JPH3: variants seen among roughly 807,000 people sequenced by gnomAD.
JPH3 encodes junctophilin-3.
JPH3 carries 11 observed loss-of-function variants against 59.6 expected under a neutral mutation model. That is an observed-to-expected ratio of 0.18 (90% CI 0.12 to 0.31). The LOEUF (loss-of-function observed/expected upper bound fraction) is 0.31. Ranked by LOEUF, JPH3 falls within the 10% of genes least tolerant of loss-of-function variation. The pLI is 1.00. For synonymous variants in JPH3, 673 were observed against 483.6 expected (o/e 1.39, Z -5.14); for missense variants, 1,202 against 1,105.7 (o/e 1.09, Z -1.24).
At chr16:87,659,203 C>T (rs1011853089) in intron 2 of JPH3, among the ~76,000 whole-genome samples, 3 of 151,604 alleles carry the variant, frequency 2.0e-5, no homozygotes, top group Non-Finnish European at 4.4e-5. Context: ...GCAAGATCCC[C>T]TCTCTACTGA....
intron 4 of JPH3, among the ~76,000 whole-genome samples, chr16:87,690,804 C>T (rs932861437): frequency 2.6e-5 from 4 of 152,240 alleles, no homozygotes; most frequent in African/African-American, 9.6e-5. Context: ...AGCATGGGAT[C>T]CCTGCGCTCC....
At chr16:87,609,169 G>C (rs367547081) in intron 1 of JPH3, among the ~76,000 whole-genome samples, 11 of 152,262 alleles carry the variant, frequency 7.2e-5, no homozygotes, top group African/African-American at 2.7e-4. Context: ...AGAAGTGAGT[G>C]TCTTCTGAGG....
chr16:87,637,921 A>C (rs2031811781), intron 1 of JPH3, among the ~76,000 whole-genome samples: 1 of 152,092 alleles, frequency 6.6e-6, no homozygotes, highest in African/African-American at 2.4e-5. Flanking sequence ...CTTTAAAAAA[A>C]AAATTTTTTT....
rs2033955814 is a variant in JPH3 at position 87,697,781 on chromosome 16, A to C, written c.*1121A>C. Reference sequence around the variant, plus strand: ...GCATATCCAGCCCCCTAAAATGTACAATGTAACTTGTTCAGTCCAACAAAA... The same window carrying C: ...GCATATCCAGCCCCCTAAAATGTACCATGTAACTTGTTCAGTCCAACAAAA... On this transcript the variant is annotated 3_prime_UTR_variant, in exon 5 of 5. Coordinates refer to ENST00000284262, the MANE Select transcript of JPH3 (RefSeq NM_020655.4). The C allele has an allele frequency of 6.6e-6, 1 of 152,314 alleles. No homozygotes were observed. Among genetic ancestry groups the C allele is most frequent in the South Asian group, 2.1e-4 (1 of 4,824 alleles). 9.4% of individuals were successfully genotyped at this position (152,314 alleles called of 1,614,324 possible).
At position 87,652,720 on chromosome 16, in the gene JPH3, G is replaced by A. The variant is rs896729877; in HGVS notation, c.1160+7685G>A. Among the ~76,000 whole-genome samples the A allele has an allele frequency of 6.6e-5, 10 of 152,364 alleles. No homozygotes were observed. In the South Asian group the frequency reaches 1.4e-3, roughly 22 times the overall value. The stretch of plus-strand genomic sequence containing the variant: ...CACCTAGATGATGGTGCCTACTCTC[G>A]TGAGTTGAGGCCCTTGGATCTCTGG... On this transcript the variant is annotated intron_variant, in intron 2 of 4. Transcript: ENST00000284262.
chr16:87,629,227 C>T (rs979506239), intron 1 of JPH3, among the ~76,000 whole-genome samples: 4 of 152,194 alleles, frequency 2.6e-5, no homozygotes, highest in Non-Finnish European at 5.9e-5. Context: ...GTCCTTCAGA[C>T]GCGGCAGCTG....
intron 1 of JPH3, among the ~76,000 whole-genome samples, chr16:87,623,321 C>G (rs2031257867): frequency 6.6e-6 from 1 of 152,162 alleles, no homozygotes; most frequent in African/African-American, 2.4e-5. Flanking sequence ...GTCCTTGGCT[C>G]ATTCCTCCCT....
chr16:87,616,240 T>TGTGTGTA (rs2030964277), intron 1 of JPH3, among the ~76,000 whole-genome samples: 1 of 100,042 alleles, frequency 1.0e-5, no homozygotes, highest in African/African-American at 3.8e-5. Context: ...GTGTGTGTAT[T>TGTGTGTA]TTTTTTTTTT....
At chr16:87,612,342 C>G (rs1279634458) in intron 1 of JPH3, among the ~76,000 whole-genome samples, 2 of 152,182 alleles carry the variant, frequency 1.3e-5, no homozygotes, top group Admixed American at 1.3e-4. Flanking sequence ...CCAGACTGGT[C>G]TCAAACTCCT....
At chr16:87,644,030 C>T (rs557314049) in intron 1 of JPH3, among the ~76,000 whole-genome samples, 1 of 152,234 alleles carries the variant, frequency 6.6e-6, no homozygotes, top group Non-Finnish European at 1.5e-5. Flanking sequence ...CCCAGCTGCG[C>T]AGGAGGCTGA....
At chr16:87,660,054 C>G (rs1335640475) in intron 2 of JPH3, among the ~76,000 whole-genome samples, 1 of 151,772 alleles carries the variant, frequency 6.6e-6, no homozygotes, top group Non-Finnish European at 1.5e-5. Context: ...AGCCCCAGCC[C>G]TGCCACCTGG....
chr16:87,685,234 C>T (rs1173023103), intron 3 of JPH3, among the ~76,000 whole-genome samples: 2 of 152,220 alleles, frequency 1.3e-5, no homozygotes, highest in Admixed American at 6.5e-5. Context: ...CTTCACTGGG[C>T]GAGTGCCGGG....
At chr16:87,672,843 G>C (rs1567609061) in intron 2 of JPH3, among the ~76,000 whole-genome samples, 1 of 152,180 alleles carries the variant, frequency 6.6e-6, no homozygotes, top group Non-Finnish European at 1.5e-5. Context: ...ATTATTCTAG[G>C]TGGATAAAAA....
intron 2 of JPH3, among the ~76,000 whole-genome samples, chr16:87,682,244 C>A (rs2150873675): frequency 6.6e-6 from 1 of 152,156 alleles, no homozygotes; most frequent in Non-Finnish European, 1.5e-5. Flanking sequence ...TAAAATTGTT[C>A]CTAGTTAGCA....
intron 1 of JPH3, among the ~76,000 whole-genome samples, chr16:87,606,678 G>A (rs568176385): frequency 4.5e-4 from 68 of 152,282 alleles, no homozygotes; most frequent in African/African-American, 1.6e-3. Flanking sequence ...TGAGAATGGT[G>A]TGCGTGGCTA....
chr16:87,695,705 C>T (rs2033807527), intron 4 of JPH3: 1 of 439,250 alleles, frequency 2.3e-6, no homozygotes, highest in South Asian at 1.6e-5. Context: ...CTGGGAGCTT[C>T]CCAGAGGGGC....
intron 3 of JPH3, among the ~76,000 whole-genome samples, chr16:87,684,765 C>T (rs765579548): frequency 5.3e-5 from 8 of 152,308 alleles, no homozygotes; most frequent in South Asian, 2.1e-4. Context: ...TGGCAGCTCC[C>T]GCTGTGCCCC....
At position 87,657,882 on chromosome 16, in the gene JPH3, C is replaced by A. The variant is rs574062106; in HGVS notation, c.1160+12847C>A. Among the ~76,000 whole-genome samples the A allele has an allele frequency of 2.4e-4, 37 of 152,332 alleles. 2 individuals are homozygous for A. In the South Asian group the frequency reaches 7.7e-3, roughly 32 times the overall value. The stretch of plus-strand genomic sequence containing the variant: ...CCTTAGTCTGGGGGCATGTGCCTGG[C>A]TGACAATGGGGCTTCAGTGCTGTGG... On this transcript the variant is annotated intron_variant, in intron 2 of 4. Coordinates refer to ENST00000284262, the MANE Select transcript of JPH3 (RefSeq NM_020655.4).
intron 1 of JPH3, among the ~76,000 whole-genome samples, chr16:87,629,038 G>C (rs1036926208): frequency 2.6e-5 from 4 of 152,134 alleles, no homozygotes; most frequent in African/African-American, 4.8e-5. Context: ...AGTCTCCAAG[G>C]CTCCTTCCAG....
Sources: gnomAD v4.1 joint callset for allele counts (sites outside exome capture counted in the v4.1 genomes callset) on GRCh38, gnomAD v4.1.1 for gene constraint, MANE v1.5 for transcripts, NCBI Gene and HGNC (gene_info 2026-07-23, HGNC 2026-07-21) for gene names.